NKAIN3: variants seen among roughly 807,000 people sequenced by gnomAD.
NKAIN3 encodes sodium/potassium transporting ATPase interacting 3.
A neutral mutation model predicts 30.2 loss-of-function variants in NKAIN3; 25 were observed. That is an observed-to-expected ratio of 0.83 (90% CI 0.60 to 1.16). The LOEUF is 1.16. Ranked by LOEUF, NKAIN3 falls within the 50% of genes most tolerant of loss-of-function variation. The pLI, the probability that NKAIN3 is intolerant of heterozygous loss-of-function variation, is 0.00. For synonymous variants in NKAIN3, 91 were observed against 89.6 expected (o/e 1.02, Z -0.09); for missense variants, 225 against 254.1 (o/e 0.89, Z 0.78).
intron 1 of NKAIN3, among the ~76,000 whole-genome samples, chr8:62,527,881 T>C (rs1049420757): frequency 2.9e-5 from 2 of 70,060 alleles, no homozygotes; most frequent in South Asian, 1.1e-3. Context: ...TACTTTTTTT[T>C]GGTGTGTGTG....
intron 1 of NKAIN3, among the ~76,000 whole-genome samples, chr8:62,307,884 A>G (rs533024423): frequency 1.7e-4 from 26 of 150,588 alleles, no homozygotes; most frequent in Admixed American, 7.2e-4. Flanking sequence ...AAGGTTGGAT[A>G]GAGAGTTAAG....
At chr8:62,950,731 A>G (rs1317439141) in intron 5 of NKAIN3, among the ~76,000 whole-genome samples, 1 of 152,188 alleles carries the variant, frequency 6.6e-6, no homozygotes, top group South Asian at 2.1e-4. Context: ...CAGGAACCAG[A>G]TGTCCTAATT....
At chr8:62,516,068 G>A (rs1406224134) in intron 1 of NKAIN3, among the ~76,000 whole-genome samples, 1 of 151,928 alleles carries the variant, frequency 6.6e-6, no homozygotes. Context: ...AGGAAGTAAA[G>A]TACACTTGGA....
chr8:62,697,497 G>A lies in NKAIN3; in HGVS notation c.274-49435G>A, dbSNP rs144936767. ...CCCCCTAATTAAAATTTCAAACTTCGTCCACCTCCACTGAATTCTTTTTTT... is the reference window on the plus strand; with the variant it reads ...CCCCCTAATTAAAATTTCAAACTTCATCCACCTCCACTGAATTCTTTTTTT... On this transcript the variant is annotated intron_variant, in intron 3 of 6. Coordinates refer to ENST00000623646, the MANE Select transcript of NKAIN3 (RefSeq NM_001304533.3). Among the ~76,000 whole-genome samples, 268 of 151,972 alleles carry A rather than the reference G, an allele frequency of 1.8e-3. 1 individual carries two copies. Among genetic ancestry groups the A allele is most frequent in the African/African-American group, 2.7e-3 (111 of 41,448 alleles).
At chr8:62,874,831 C>G (rs1483227001) in intron 4 of NKAIN3, among the ~76,000 whole-genome samples, 1 of 152,090 alleles carries the variant, frequency 6.6e-6, no homozygotes, top group African/African-American at 2.4e-5. Context: ...ATAATAGGAG[C>G]TATTTATGAC....
chr8:62,696,725 G>A (rs1242657642), intron 3 of NKAIN3, among the ~76,000 whole-genome samples: 2 of 152,052 alleles, frequency 1.3e-5, no homozygotes, highest in African/African-American at 4.8e-5. Context: ...AATTTGATGT[G>A]AGGAAGATAT....
chr8:62,354,929 C>T (rs552105015), intron 1 of NKAIN3, among the ~76,000 whole-genome samples: 2 of 152,228 alleles, frequency 1.3e-5, no homozygotes, highest in African/African-American at 4.8e-5. Context: ...GAAGGCAAGT[C>T]GGCCCTTTCT....
chr8:62,357,257 T>C (rs1349513128), intron 1 of NKAIN3, among the ~76,000 whole-genome samples: 2 of 151,762 alleles, frequency 1.3e-5, no homozygotes, highest in African/African-American at 4.8e-5. Context: ...CTACAAAAAG[T>C]AAAATAAAAA....
At chr8:62,625,790 GT>G (rs1415791651) in intron 3 of NKAIN3, among the ~76,000 whole-genome samples, 1 of 151,994 alleles carries the variant, frequency 6.6e-6, no homozygotes, top group Non-Finnish European at 1.5e-5. Flanking sequence ...TTTTTCCTTT[GT>G]TGGGATTCTT....
chr8:62,757,357 A>G lies in NKAIN3; in HGVS notation c.471+10228A>G, dbSNP rs367971554. 1.4e-4 allele frequency among the ~76,000 whole-genome samples: 21 copies of G among 152,322 alleles called. No individual in the cohort carries two copies. The South Asian group carries it at 3.5e-3, about 26-fold the overall frequency. The stretch of plus-strand genomic sequence containing the variant: ...ATAAATTTCATTAATAAAATTTTAT[A>G]TCACTTTTTGTAATCTTTCTAAATG... On this transcript the variant is annotated intron_variant, in intron 4 of 6. Coordinates refer to ENST00000623646, the MANE Select transcript of NKAIN3 (RefSeq NM_001304533.3).
At chr8:62,785,061 A>G (rs1817470741) in intron 4 of NKAIN3, among the ~76,000 whole-genome samples, 1 of 152,202 alleles carries the variant, frequency 6.6e-6, no homozygotes, top group Admixed American at 6.5e-5. Flanking sequence ...CAGTTTCTCA[A>G]CAAATTAAAT....
In NKAIN3 at chr8:62,585,176, A is replaced by G. The variant is rs1218850167; in HGVS notation, c.193-4538A>G. Among the ~76,000 whole-genome samples, 5 of 152,122 alleles carry G rather than the reference A, an allele frequency of 3.3e-5. No individual in the cohort carries two copies. In the South Asian group the frequency reaches 1.0e-3, roughly 32 times the overall value. ...AGTATGTGCTGTGCTGCCTGCACCT[A>G]CCATTAGCTGACTTACTCCTCAAGA... On this transcript the variant is annotated intron_variant, in intron 2 of 6. Transcript: ENST00000623646.
At chr8:62,732,450 C>T (rs1815502171) in intron 3 of NKAIN3, among the ~76,000 whole-genome samples, 2 of 151,948 alleles carry the variant, frequency 1.3e-5, no homozygotes, top group Admixed American at 6.6e-5. Flanking sequence ...GCATTATTGT[C>T]AGTCCACATT....
rs975501759 is a variant in NKAIN3, at chr8:62,938,248, G to A, written c.533-15654G>A. Among the ~76,000 whole-genome samples the A allele has an allele frequency of 3.3e-5, 5 of 152,018 alleles. 1 individual carries two copies. Among genetic ancestry groups the A allele is most frequent in the African/African-American group, 1.2e-4 (5 of 41,326 alleles). ...GTATCCTCCCTATACTACTACAGCT[G>A]ATGCCGTCTTGAAAGCATCACCTCC... On this transcript the variant is annotated intron_variant, in intron 5 of 6. Coordinates refer to ENST00000623646, the MANE Select transcript of NKAIN3 (RefSeq NM_001304533.3).
intron 1 of NKAIN3, among the ~76,000 whole-genome samples, chr8:62,262,850 G>C (rs986578226): frequency 7.2e-5 from 11 of 152,126 alleles, no homozygotes; most frequent in Admixed American, 2.0e-4. Context: ...AACCAAAAGT[G>C]TCTTTATACA....
chr8:62,504,478 C>A (rs1476285803), intron 1 of NKAIN3, among the ~76,000 whole-genome samples: 1 of 152,138 alleles, frequency 6.6e-6, no homozygotes, highest in Admixed American at 6.6e-5. Context: ...TTCCTTCTAT[C>A]CCAATCCTCA....
At chr8:62,752,776 G>T (rs1435437396) in intron 4 of NKAIN3, among the ~76,000 whole-genome samples, 1 of 152,004 alleles carries the variant, frequency 6.6e-6, no homozygotes, top group Non-Finnish European at 1.5e-5. Context: ...ACATTTTCTG[G>T]ATTTTAGATT....
At chr8:62,583,874 A>G (rs983020695) in intron 2 of NKAIN3, among the ~76,000 whole-genome samples, 1 of 152,218 alleles carries the variant, frequency 6.6e-6, no homozygotes, top group Non-Finnish European at 1.5e-5. Flanking sequence ...AGAATCATTA[A>G]TCTATGAGTA....
intron 1 of NKAIN3, among the ~76,000 whole-genome samples, chr8:62,361,533 T>C (rs1488707396): frequency 6.6e-6 from 1 of 152,242 alleles, no homozygotes; most frequent in Non-Finnish European, 1.5e-5. Context: ...GGTATCTTTA[T>C]AAACATAGTC....
Sources: allele counts gnomAD v4.1 joint callset (sites outside exome capture counted in the v4.1 genomes callset), GRCh38; gene constraint gnomAD v4.1.1; transcripts MANE v1.5; gene names NCBI Gene and HGNC (gene_info 2026-07-23, HGNC 2026-07-21).